The following CLNK variants were observed in gnomAD, a reference collection of about 807,000 sequenced individuals.
CLNK encodes the protein cytokine-dependent hematopoietic cell linker.
CLNK carries 74 observed loss-of-function variants against 68.6 expected under a neutral mutation model. The observed-to-expected ratio is 1.08, with a 90% CI of 0.89 to 1.31. The LOEUF is 1.31. CLNK is among the 50% of genes most tolerant of loss of function. The probability of loss-of-function intolerance (pLI) is 0.00; values close to 1 mark genes in which losing one functional copy is unlikely to be tolerated. For missense variants in CLNK, 553 were observed against 515.3 expected (o/e 1.07, Z -0.71); for synonymous variants, 198 against 172.2 (o/e 1.15, Z -1.17).
the CLNK span, among the ~76,000 whole-genome samples, chr4:10,705,776 T>G: frequency 6.6e-6 from 1 of 152,234 alleles, no homozygotes; most frequent in Admixed American, 6.5e-5. Flanking sequence ...CATAATACAT[T>G]TATGGTCTCT....
At chr4:10,500,925 G>A (rs1717015350) in intron 18 of CLNK, among the ~76,000 whole-genome samples, 1 of 152,198 alleles carries the variant, frequency 6.6e-6, no homozygotes, top group African/African-American at 2.4e-5. Flanking sequence ...GTCTGCAGTG[G>A]CATTTCAGTG....
At position 10,585,009 on chromosome 4, in the gene CLNK, C is replaced by G; in HGVS notation, c.84-54G>C. 5 of 1,593,408 alleles carry G rather than the reference C, an allele frequency of 3.1e-6. No individual in the cohort carries two copies. The Admixed American group carries it at 8.5e-5, about 27-fold the overall frequency. On this transcript the variant is annotated intron_variant, in intron 3 of 18. Transcript: ENST00000226951. ...TGTCCATTGCTCCACCTCCACCGAC[C>G]CCCCGCCACATAGGAACAGGCAGTC...
chr4:10,579,187 A>C (rs564908424), intron 4 of CLNK, among the ~76,000 whole-genome samples: 1 of 152,252 alleles, frequency 6.6e-6, no homozygotes, highest in Non-Finnish European at 1.5e-5. Flanking sequence ...AATGAGAAAT[A>C]GGGTAGTCCA....
At chr4:10,495,687 T>C (rs779600040) in intron 18 of CLNK, among the ~76,000 whole-genome samples, 3 of 152,142 alleles carry the variant, frequency 2.0e-5, no homozygotes, top group Non-Finnish European at 4.4e-5. Context: ...GGGGTGCTTA[T>C]CCGAGGTTAT....
chr4:10,709,319 G>A, the CLNK span, among the ~76,000 whole-genome samples: 5 of 152,294 alleles, frequency 3.3e-5, no homozygotes, highest in African/African-American at 9.6e-5. Context: ...AGGGCCAAAC[G>A]TGTCTGGGCA....
At chr4:10,513,832 AATTATTATT>A (rs772040482) in intron 15 of CLNK, among the ~76,000 whole-genome samples, 3 of 145,616 alleles carry the variant, frequency 2.1e-5, no homozygotes, top group Non-Finnish European at 4.5e-5. Context: ...TTTTTTTTTA[AATTATTATT>A]ATTATTATTA....
At chr4:10,550,172 C>G (rs531412208) in intron 8 of CLNK, among the ~76,000 whole-genome samples, 1 of 152,200 alleles carries the variant, frequency 6.6e-6, no homozygotes, top group South Asian at 2.1e-4. Flanking sequence ...ATTCTGTGAA[C>G]TGGCTTTACA....
the CLNK span, among the ~76,000 whole-genome samples, chr4:10,704,618 C>T: frequency 6.6e-6 from 1 of 152,154 alleles, no homozygotes; most frequent in Non-Finnish European, 1.5e-5. Flanking sequence ...GCTGCTGAGA[C>T]AACACACAGC....
the CLNK span, among the ~76,000 whole-genome samples, chr4:10,708,307 A>C: frequency 6.6e-6 from 1 of 152,156 alleles, no homozygotes; most frequent in Non-Finnish European, 1.5e-5. Context: ...AACAATATTT[A>C]TTATTTCTAG....
chr4:10,587,354 T>G (rs928000023), intron 3 of CLNK, among the ~76,000 whole-genome samples: 3 of 152,200 alleles, frequency 2.0e-5, no homozygotes, highest in Non-Finnish European at 4.4e-5. Flanking sequence ...TTTTGGGCCA[T>G]GCTTTGAAAA....
intron 18 of CLNK, among the ~76,000 whole-genome samples, chr4:10,493,512 C>T (rs532948299): frequency 7.2e-5 from 11 of 152,072 alleles, no homozygotes; most frequent in Non-Finnish European, 7.4e-5. Flanking sequence ...TACAAGGGAA[C>T]GAATCTCATC....
chr4:10,537,026 G>C (rs1172598830), intron 11 of CLNK, among the ~76,000 whole-genome samples: 1 of 152,208 alleles, frequency 6.6e-6, no homozygotes, highest in Non-Finnish European at 1.5e-5. Context: ...TGGGTTCTTA[G>C]CCCTGTCTGC....
intron 11 of CLNK, among the ~76,000 whole-genome samples, chr4:10,534,544 C>T (rs750926476): frequency 2.2e-4 from 33 of 152,154 alleles, no homozygotes; most frequent in Non-Finnish European, 3.1e-4. Flanking sequence ...TAAATTCTCT[C>T]TCTGAAGCTT....
At chr4:10,563,900 CCATCTCAAAAA>C (rs1162134082) in intron 7 of CLNK, among the ~76,000 whole-genome samples, 1 of 151,518 alleles carries the variant, frequency 6.6e-6, no homozygotes, top group Non-Finnish European at 1.5e-5. Flanking sequence ...GAGCAAAACT[CCATCTCAAAAA>C]AAGAAAAGAA....
Position 10,520,871 on chromosome 4 carries a change from T to C in CLNK, c.732-40A>G, listed in dbSNP as rs768050680. ...GTTAAAATTCAAAGAATGTTAGTAT[T>C]TCCCCTTGGTGGTAAAATTCCACTC... On this transcript the variant is annotated intron_variant, in intron 14 of 18. Coordinates refer to ENST00000226951, the MANE Select transcript of CLNK (RefSeq NM_052964.4). 4.0e-6 allele frequency: 6 copies of C among 1,482,158 alleles called. No homozygotes were observed. In the South Asian group the frequency reaches 7.2e-5, roughly 18 times the overall value. 91.8% of individuals were successfully genotyped at this position (1,482,158 alleles called of 1,614,324 possible). A position where few individuals can be genotyped will look rare whatever the true frequency, so the allele number is the denominator to read the frequency against.
chr4:10,643,452 G>T (rs1350195280), intron 2 of CLNK, among the ~76,000 whole-genome samples: 1 of 152,334 alleles, frequency 6.6e-6, no homozygotes, highest in African/African-American at 2.4e-5. Context: ...GTCTATCATG[G>T]TTGCCTGATA....
chr4:10,716,853 T>C, the CLNK span, among the ~76,000 whole-genome samples: 3 of 151,688 alleles, frequency 2.0e-5, no homozygotes, highest in South Asian at 6.3e-4. Flanking sequence ...ACCACCATGC[T>C]CAGCTAATTT....
At chr4:10,541,880 T>G (rs1719045383) in intron 10 of CLNK, 142 bp downstream of exon 10, 2 of 387,236 alleles carry the variant, frequency 5.2e-6, no homozygotes, top group East Asian at 1.3e-4. Flanking sequence ...CTCATATTAG[T>G]TTTTTTTTTT....
At chr4:10,649,805 G>A (rs1428287715) in intron 2 of CLNK, among the ~76,000 whole-genome samples, 1 of 151,960 alleles carries the variant, frequency 6.6e-6, no homozygotes, top group Admixed American at 6.6e-5. Context: ...TTTTCTCTGG[G>A]GGAGCACAAT....
Sources: allele counts gnomAD v4.1 joint callset (sites outside exome capture counted in the v4.1 genomes callset), GRCh38; gene constraint gnomAD v4.1.1; transcripts MANE v1.5; gene names NCBI Gene and HGNC (gene_info 2026-07-23, HGNC 2026-07-21).